The following AGBL4 variants were observed in gnomAD, a reference collection of about 807,000 sequenced individuals.
The protein encoded by AGBL4 is AGBL carboxypeptidase 4.
In AGBL4, 58 loss-of-function variants were observed where a neutral mutation model predicts 66.4. The ratio of observed to expected loss-of-function variants is 0.87; its 90% CI spans 0.71 to 1.09. The LOEUF (loss-of-function observed/expected upper bound fraction) is 1.09, where lower values mean the gene tolerates loss of function less well. AGBL4 is among the 50% of genes least tolerant of loss of function. The pLI, the probability that AGBL4 is intolerant of heterozygous loss-of-function variation, is 0.00. For missense variants in AGBL4, 579 were observed against 631.0 expected (o/e 0.92, Z 0.88); for synonymous variants, 234 against 222.9 (o/e 1.05, Z -0.44).
chr1:49,332,771 C>T (rs1000498157), intron 3 of AGBL4, among the ~76,000 whole-genome samples: 16 of 152,156 alleles, frequency 1.1e-4, no homozygotes, highest in African/African-American at 3.4e-4. Context: ...ACTATACATA[C>T]GTACCTGAAA....
intron 6 of AGBL4, among the ~76,000 whole-genome samples, chr1:48,836,926 G>T (rs1046510582): frequency 6.7e-6 from 1 of 149,528 alleles, no homozygotes; most frequent in African/African-American, 2.4e-5. Flanking sequence ...TCTCATGAGG[G>T]TTAAAAGATA....
intron 7 of AGBL4, among the ~76,000 whole-genome samples, chr1:48,659,319 G>A (rs868076958): frequency 1.3e-5 from 2 of 152,154 alleles, no homozygotes; most frequent in Admixed American, 6.5e-5. Flanking sequence ...CTTAGGCAAA[G>A]TCCCCTAGCT....
chr1:49,680,957 A>T (rs1359500548), intron 3 of AGBL4, among the ~76,000 whole-genome samples: 1 of 151,626 alleles, frequency 6.6e-6, no homozygotes, highest in Non-Finnish European at 1.5e-5. Flanking sequence ...GTTACATTCT[A>T]CATTAACGTT....
chr1:48,537,862 A>G lies in AGBL4; in HGVS notation c.1364+1780T>C, dbSNP rs573370424. 5.3e-5 allele frequency among the ~76,000 whole-genome samples: 8 copies of G among 152,332 alleles called. No homozygotes were observed. The East Asian group carries it at 1.5e-3, about 29-fold the overall frequency. On this transcript the variant is annotated intron_variant, in intron 12 of 13. Coordinates refer to ENST00000371839, the MANE Select transcript of AGBL4 (RefSeq NM_032785.4). ...ACGAATGACTTCTAAGAATGAACTG[A>G]GCATTTTCCTCTAGATGTGAGCTCC...
chr1:48,777,618 T>A (rs1470165545), intron 6 of AGBL4, among the ~76,000 whole-genome samples: 1 of 152,180 alleles, frequency 6.6e-6, no homozygotes, highest in Non-Finnish European at 1.5e-5. Context: ...GAACTGGGGC[T>A]TATCTGAGAT....
intron 4 of AGBL4, among the ~76,000 whole-genome samples, chr1:49,070,902 T>C (rs982718850): frequency 1.3e-4 from 20 of 151,976 alleles, no homozygotes; most frequent in African/African-American, 4.8e-4. Flanking sequence ...AGGCTATTAA[T>C]TATTGCCTCA....
In AGBL4 at chr1:49,380,526, C is replaced by T. The variant is rs1056621505; in HGVS notation, c.283-134662G>A. On this transcript the variant is annotated intron_variant, in intron 3 of 13. Transcript: ENST00000371839. Reference sequence around the variant, plus strand: ...GTTCATATGGAACCAAAAAAGAGCCCGCATCGCCAAGTCAATCCTAAGCCA... The same window carrying T: ...GTTCATATGGAACCAAAAAAGAGCCTGCATCGCCAAGTCAATCCTAAGCCA... Among the ~76,000 whole-genome samples, 20 of 151,954 alleles carry T rather than the reference C, an allele frequency of 1.3e-4. 1 individual carries two copies. The highest frequency in any genetic ancestry group is 3.9e-4 in the Admixed American group (6 of 15,258).
At chr1:49,928,953 G>T (rs1653063669) in intron 1 of AGBL4, among the ~76,000 whole-genome samples, 1 of 152,132 alleles carries the variant, frequency 6.6e-6, no homozygotes, top group South Asian at 2.1e-4. Flanking sequence ...AAGAAAATAT[G>T]GTACATATAT....
At chr1:49,309,990 A>G (rs1427193186) in intron 3 of AGBL4, among the ~76,000 whole-genome samples, 1 of 152,096 alleles carries the variant, frequency 6.6e-6, no homozygotes, top group East Asian at 1.9e-4. Flanking sequence ...GAGGTCAAAG[A>G]GATCCTCACC....
chr1:49,534,899 A>G (rs1651448168), intron 3 of AGBL4, among the ~76,000 whole-genome samples: 1 of 152,260 alleles, frequency 6.6e-6, no homozygotes, highest in Non-Finnish European at 1.5e-5. Flanking sequence ...ATGTTTACAC[A>G]TTGAAACAAT....
chr1:49,855,807 G>T (rs571404917), intron 1 of AGBL4, among the ~76,000 whole-genome samples: 23 of 152,024 alleles, frequency 1.5e-4, no homozygotes, highest in Admixed American at 3.3e-4. Flanking sequence ...AAAGCAGAAA[G>T]ATTTTAACAA....
At chr1:48,531,207 T>TC (rs59588614), downstream of AGBL4, among the ~76,000 whole-genome samples, 1,675 of 150,112 alleles carry the variant, frequency 0.011, 26 homozygotes, top group African/African-American at 0.039. Context: ...GCTTTTTTTT[T>TC]TCTCTCTCTC....
At chr1:48,699,373 C>T (rs187274303) in intron 6 of AGBL4, among the ~76,000 whole-genome samples, 6 of 152,300 alleles carry the variant, frequency 3.9e-5, no homozygotes, top group South Asian at 2.1e-4. Flanking sequence ...AATTAATTAT[C>T]GTTTGAATAT....
intron 3 of AGBL4, among the ~76,000 whole-genome samples, chr1:49,503,072 G>A (rs1648326053): frequency 1.3e-5 from 2 of 152,026 alleles, no homozygotes; most frequent in Admixed American, 1.3e-4. Flanking sequence ...GGGAAAAAAT[G>A]GTGTCTTGGG....
chr1:48,759,369 A>G, intron 6 of AGBL4: 1 of 1,481,710 alleles, frequency 6.7e-7, no homozygotes, highest in Non-Finnish European at 8.9e-7. Context: ...AGACAATCCT[A>G]AAATCACAGA....
chr1:48,848,686 T>C (rs554683779), intron 6 of AGBL4, among the ~76,000 whole-genome samples: 1 of 152,172 alleles, frequency 6.6e-6, no homozygotes, highest in Non-Finnish European at 1.5e-5. Flanking sequence ...GAATTCTGAA[T>C]AGTTTTCAAT....
At chr1:49,442,214 A>G (rs1361761740) in intron 3 of AGBL4, among the ~76,000 whole-genome samples, 1 of 152,216 alleles carries the variant, frequency 6.6e-6, no homozygotes, top group African/African-American at 2.4e-5. Flanking sequence ...TATTAAACAC[A>G]ATCTTACCTC....
intron 1 of AGBL4, among the ~76,000 whole-genome samples, chr1:49,869,178 A>C (rs1021573336): frequency 6.6e-6 from 1 of 152,138 alleles, no homozygotes; most frequent in African/African-American, 2.4e-5. Context: ...CCTTTGTGGA[A>C]GACAATGTGA....
Position 49,634,578 on chromosome 1 carries a change from C to T in AGBL4, c.282+62735G>A, listed in dbSNP as rs891758615. ...ATTTATAATCCTTTGGGTATATACC[C>T]AGTAATGGGATTGCTGGGTCAAATG... On this transcript the variant is annotated intron_variant, in intron 3 of 13. Coordinates refer to ENST00000371839, the MANE Select transcript of AGBL4 (RefSeq NM_032785.4). Among the ~76,000 whole-genome samples the T allele has an allele frequency of 1.1e-4, 16 of 152,112 alleles. No homozygotes were observed. The South Asian group carries it at 2.3e-3, about 22-fold the overall frequency.
Sources: allele counts gnomAD v4.1 joint callset (sites outside exome capture counted in the v4.1 genomes callset), GRCh38; gene constraint gnomAD v4.1.1; transcripts MANE v1.5; gene names NCBI Gene and HGNC (gene_info 2026-07-23, HGNC 2026-07-21).